SEC61A2: variants seen among roughly 807,000 people sequenced by gnomAD.
SEC61A2 encodes protein transport protein Sec61 subunit alpha isoform 2.
SEC61A2 carries 28 observed loss-of-function variants against 59.9 expected under a neutral mutation model. The observed-to-expected ratio is 0.47, with a 90% CI of 0.35 to 0.64. SEC61A2 has a LOEUF of 0.64. Ranked by LOEUF, SEC61A2 falls within the 30% of genes least tolerant of loss-of-function variation. The pLI, the probability that SEC61A2 is intolerant of heterozygous loss-of-function variation, is 0.01. For missense variants in SEC61A2, 340 were observed against 585.9 expected (o/e 0.58, Z 4.33); for synonymous variants, 202 against 214.4 (o/e 0.94, Z 0.50).
Position 12,160,937 on chromosome 10 carries a change from G to T in SEC61A2, c.983G>T (p.Ser328Ile). 1 of 1,612,420 alleles carries T rather than the reference G, an allele frequency of 6.2e-7. No individual in the cohort carries two copies. The highest frequency in any genetic ancestry group is 8.5e-7 in the Non-Finnish European group (1 of 1,179,328). ...VNLLGQWADV[S>I]GGGPARSYPV... ...TGTACTCCTGTTCTGTAGGATGTCA[G>T]TGGGGGAGGACCCGCACGTTCTTAC... The change falls in exon 10 of 12, where the codon AGT becomes ATT. Residue 328 changes from serine to isoleucine, a missense_variant. Transcript: ENST00000298428. The surrounding 1 kb of genome is among the most constrained non-coding windows in gnomAD (Gnocchi z 4.1).
Position 12,133,258 on chromosome 10 carries a change from A to G in SEC61A2, c.25A>G (p.Ile9Val), listed in dbSNP as rs1251767743. Residue 9 changes from isoleucine to valine, a missense_variant, in exon 2 of 12, where the codon ATC (isoleucine) becomes GTC (valine). By Grantham distance (29) the Ile-to-Val change is conservative. Coordinates refer to ENST00000298428, the MANE Select transcript of SEC61A2 (RefSeq NM_018144.4). MGIKFLEV[I>V]KPFCAVLPEI... The stretch of plus-strand genomic sequence containing the variant: ...TTTTACAGTCAAATTTTTAGAAGTT[A>G]TCAAACCATTCTGTGCAGTTCTACC... The G allele has an allele frequency of 6.5e-7, 1 of 1,539,996 alleles. No individual in the cohort carries two copies. The highest frequency in any genetic ancestry group is 8.9e-7 in the Non-Finnish European group (1 of 1,119,350).
At position 12,145,790 on chromosome 10, in the gene SEC61A2, TG is replaced by T. The variant is rs1834124656; in HGVS notation, c.220+2596del. Among the ~76,000 whole-genome samples, 1 of 152,130 alleles carries T rather than the reference TG, an allele frequency of 6.6e-6. No individual in the cohort carries two copies. Among genetic ancestry groups the T allele is most frequent in the African/African-American group, 2.4e-5 (1 of 41,436 alleles). On this transcript the variant is annotated intron_variant, in intron 4 of 11. Transcript: ENST00000298428. The surrounding 1 kb of genome is among the most constrained non-coding windows in gnomAD (Gnocchi z 4.4). ...CATGAAAAGAAAAAAGAAAAAACATTGTTTTAAATAAAGGAGAAAAATTAAG... is the reference window on the plus strand; with the variant it reads ...CATGAAAAGAAAAAAGAAAAAACATTTTTTAAATAAAGGAGAAAAATTAAG...
At position 12,153,638 on chromosome 10, in the gene SEC61A2, C is replaced by A; in HGVS notation, c.463-2140C>A. 7.6e-7 allele frequency: 1 copy of A among 1,307,964 alleles called. No homozygotes were observed. Among genetic ancestry groups the A allele is most frequent in the Non-Finnish European group, 1.0e-6 (1 of 954,422 alleles). 81.0% of individuals were successfully genotyped at this position (1,307,964 alleles called of 1,614,324 possible). On this transcript the variant is annotated intron_variant, in intron 6 of 11. Coordinates refer to ENST00000298428, the MANE Select transcript of SEC61A2 (RefSeq NM_018144.4). The surrounding 1 kb of genome is among the most constrained non-coding windows in gnomAD (Gnocchi z 5.2). ...ATTCATTTACATGAATTCTGATACA[C>A]AAATATGCGTGTTATGGCTAATTCT... is the stretch of plus-strand genomic sequence containing the variant.
chr10:12,159,209 C>T (rs962934056), intron 9 of SEC61A2, among the ~76,000 whole-genome samples: 3 of 151,930 alleles, frequency 2.0e-5, no homozygotes, highest in Non-Finnish European at 2.9e-5. Flanking sequence ...GATCTCCTGA[C>T]CTTGTGATCT....
intron 2 of SEC61A2, among the ~76,000 whole-genome samples, chr10:12,135,585 G>T (rs550292095): frequency 1.3e-5 from 2 of 152,286 alleles, no homozygotes; most frequent in South Asian, 4.1e-4. Context: ...TACCCATTAA[G>T]TAATTTCTCA....
At position 12,157,899 on chromosome 10, in the gene SEC61A2, C is replaced by G; in HGVS notation, c.778-9C>G. The G allele has an allele frequency of 6.2e-7, 1 of 1,613,866 alleles. No homozygotes were observed. Among genetic ancestry groups the G allele is most frequent in the Non-Finnish European group, 8.5e-7 (1 of 1,179,898 alleles). On this transcript the variant is annotated splice_polypyrimidine_tract_variant and intron_variant, in intron 8 of 11. Coordinates refer to ENST00000298428, the MANE Select transcript of SEC61A2 (RefSeq NM_018144.4). Reference sequence around the variant, plus strand: ...GGCTCCCCCACTTACTCTCCGTTTCCTTTTTTAGGGATTTCGCGTTGATCT... The same window carrying G: ...GGCTCCCCCACTTACTCTCCGTTTCGTTTTTTAGGGATTTCGCGTTGATCT...
chr10:12,151,224 G>A (rs546845222), intron 6 of SEC61A2, among the ~76,000 whole-genome samples: 2 of 151,196 alleles, frequency 1.3e-5, no homozygotes, highest in Non-Finnish European at 2.9e-5. Flanking sequence ...AATAAACAAT[G>A]GGTATCTGGA....
At position 12,152,799 on chromosome 10, in the gene SEC61A2, C is replaced by G. The variant is rs534184163; in HGVS notation, c.462+2838C>G. On this transcript the variant is annotated intron_variant, in intron 6 of 11. Coordinates refer to ENST00000298428, the MANE Select transcript of SEC61A2 (RefSeq NM_018144.4). The surrounding 1 kb of genome is among the most constrained non-coding windows in gnomAD (Gnocchi z 5.5). The stretch of plus-strand genomic sequence containing the variant: ...TCCCAGCTATTTGGGAGGCTGAGGC[C>G]GAACCCAGGAGGCGGAGGTTGCAGT... Among the ~76,000 whole-genome samples the G allele has an allele frequency of 2.0e-5, 3 of 151,912 alleles. No homozygotes were observed. In the South Asian group the frequency reaches 6.2e-4, roughly 32 times the overall value.
downstream of SEC61A2, chr10:12,167,846 C>T (rs199990204): frequency 7.5e-6 from 12 of 1,610,526 alleles, no homozygotes; most frequent in East Asian, 8.9e-5. Flanking sequence ...TAGATCATGC[C>T]GTTAAGGAAG....
intron 3 of SEC61A2, among the ~76,000 whole-genome samples, chr10:12,140,810 C>G (rs1485862280): frequency 6.6e-6 from 1 of 151,944 alleles, no homozygotes; most frequent in African/African-American, 2.4e-5. Flanking sequence ...CTGTGTTAAT[C>G]AGGATGATCT....
Position 12,165,073 on chromosome 10 carries a change from CT to C in SEC61A2, c.*623del. 6.1e-6 allele frequency: 6 copies of C among 987,494 alleles called. No homozygotes were observed. The highest frequency in any genetic ancestry group is 6.0e-6 in the Non-Finnish European group (5 of 830,780). The allele number at this position is 987,494 out of a possible 1,614,324, so 61.2% of individuals were successfully genotyped here. A position where few individuals can be genotyped will look rare whatever the true frequency, so the allele number is the denominator to read the frequency against. ...TCTCCTCCTCCTCTTCCTCTTCCTCCTTTTCCTTCTCCTCCTCCTCTCTTCC... is the reference window on the plus strand; with the variant it reads ...TCTCCTCCTCCTCTTCCTCTTCCTCCTTTCCTTCTCCTCCTCCTCTCTTCC... On this transcript the variant is annotated 3_prime_UTR_variant, in exon 12 of 12. Coordinates refer to ENST00000298428, the MANE Select transcript of SEC61A2 (RefSeq NM_018144.4).
Position 12,162,362 on chromosome 10 carries a change from T to A in SEC61A2, c.1244+73T>A. On this transcript the variant is annotated intron_variant, in intron 11 of 11. Coordinates refer to ENST00000298428, the MANE Select transcript of SEC61A2 (RefSeq NM_018144.4). This position sits in a 1 kb window ranked among gnomAD's most constrained non-coding sequence, Gnocchi z 6.1. Reference sequence around the variant, plus strand: ...GTCTTTCAGTGTTGGCTAAATGTTTTTCTTTGTTCAAGTTCATATTTAAAA... The same window carrying A: ...GTCTTTCAGTGTTGGCTAAATGTTTATCTTTGTTCAAGTTCATATTTAAAA... The A allele has an allele frequency of 8.0e-7, 1 of 1,254,532 alleles. No individual in the cohort carries two copies. The highest frequency in any genetic ancestry group is 1.2e-6 in the Non-Finnish European group (1 of 852,242). The allele number at this position is 1,254,532 out of a possible 1,614,324, so 77.7% of individuals were successfully genotyped here. A position where few individuals can be genotyped will look rare whatever the true frequency, so the allele number is the denominator to read the frequency against.
chr10:12,168,483 A>C (rs762155673), downstream of SEC61A2, among the ~76,000 whole-genome samples: 8 of 152,128 alleles, frequency 5.3e-5, no homozygotes, highest in Non-Finnish European at 1.0e-4. This position sits in a 1 kb window ranked among gnomAD's most constrained non-coding sequence, Gnocchi z 4.8. Flanking sequence ...TAGGGGATAC[A>C]TATGTTCCCC....
chr10:12,139,659 C>T (rs931536239), intron 3 of SEC61A2, among the ~76,000 whole-genome samples: 1 of 152,152 alleles, frequency 6.6e-6, no homozygotes, highest in Non-Finnish European at 1.5e-5. Flanking sequence ...TGGCGGGCGC[C>T]TGTAGTCCCA....
In SEC61A2 at chr10:12,152,234, C is replaced by T. The variant is rs955117362; in HGVS notation, c.462+2273C>T. Among the ~76,000 whole-genome samples, 3 of 152,100 alleles carry T rather than the reference C, an allele frequency of 2.0e-5. No individual in the cohort carries two copies. The East Asian group carries it at 5.8e-4, about 29-fold the overall frequency. On this transcript the variant is annotated intron_variant, in intron 6 of 11. Transcript: ENST00000298428. This position sits in a 1 kb window ranked among gnomAD's most constrained non-coding sequence, Gnocchi z 5.5. Reference sequence around the variant, plus strand: ...TAGCTGGAATTACAGGGTCCTGCCACCACGTCCAGCTAGTTGTGTATTTTT... The same window carrying T: ...TAGCTGGAATTACAGGGTCCTGCCATCACGTCCAGCTAGTTGTGTATTTTT...
At chr10:12,165,885 A>G (rs777997656), downstream of SEC61A2, 4 of 152,192 alleles carry the variant, frequency 2.6e-5, no homozygotes, top group Admixed American at 6.5e-5. Flanking sequence ...TTACCATAAA[A>G]ACATCCACCC....
At chr10:12,136,976 G>C (rs554573434) in intron 3 of SEC61A2, among the ~76,000 whole-genome samples, 2 of 152,186 alleles carry the variant, frequency 1.3e-5, no homozygotes, top group Non-Finnish European at 2.9e-5. Context: ...GTGTTGTTCA[G>C]GCTTATCTCG....
chr10:12,155,003 C>A lies in SEC61A2; in HGVS notation c.463-775C>A, dbSNP rs1345750862. Among the ~76,000 whole-genome samples, 1 of 152,114 alleles carries A rather than the reference C, an allele frequency of 6.6e-6. No individual in the cohort carries two copies. The highest frequency in any genetic ancestry group is 1.5e-5 in the Non-Finnish European group (1 of 68,038). ...AGGGGTCATATGACTGAGGAGGTCACTTGAAGGGCTAGGGACTGTTTTTAA... is the reference window on the plus strand; with the variant it reads ...AGGGGTCATATGACTGAGGAGGTCAATTGAAGGGCTAGGGACTGTTTTTAA... On this transcript the variant is annotated intron_variant, in intron 6 of 11. Coordinates refer to ENST00000298428, the MANE Select transcript of SEC61A2 (RefSeq NM_018144.4). This position sits in a 1 kb window ranked among gnomAD's most constrained non-coding sequence, Gnocchi z 4.3.
downstream of SEC61A2, chr10:12,167,956 G>A (rs1217125074): frequency 7.2e-7 from 1 of 1,388,740 alleles, no homozygotes; most frequent in Non-Finnish European, 9.4e-7. Context: ...GGTCTATAAG[G>A]ATCTTAAAGA....
Sources: allele counts gnomAD v4.1 joint callset (sites outside exome capture counted in the v4.1 genomes callset), GRCh38; gene constraint gnomAD v4.1.1; non-coding constraint Gnocchi (gnomAD v3.1); transcripts MANE v1.5; gene names NCBI Gene and HGNC (gene_info 2026-07-23, HGNC 2026-07-21).